The following NFATC2 variants were observed in gnomAD, a reference collection of about 807,000 sequenced individuals.
The protein encoded by NFATC2 is nuclear factor of activated T-cells, cytoplasmic 2.
NFATC2 carries 22 observed loss-of-function variants against 87.3 expected under a neutral mutation model. The observed-to-expected ratio is 0.25, with a 90% CI of 0.18 to 0.36. The LOEUF is 0.36. Among genes scored for constraint, NFATC2 ranks in the 10% least tolerant of loss-of-function variants. NFATC2 has a pLI of 1.00. For synonymous variants in NFATC2, 565 were observed against 542.2 expected (o/e 1.04, Z -0.58); for missense variants, 1,149 against 1,259.1 (o/e 0.91, Z 1.32).
At chr20:51,414,268 A>C (rs1227500565) in intron 9 of NFATC2, among the ~76,000 whole-genome samples, 2 of 152,194 alleles carry the variant, frequency 1.3e-5, no homozygotes, top group Non-Finnish European at 2.9e-5. Context: ...AAAAATAAAT[A>C]AATAAATAAA....
chr20:51,399,588 C>CAGTT (rs1452526718), intron 9 of NFATC2, among the ~76,000 whole-genome samples: 1 of 152,218 alleles, frequency 6.6e-6, no homozygotes, highest in African/African-American at 2.4e-5. Flanking sequence ...AGCGCTTATG[C>CAGTT]AGTTAGAGGC....
intron 6 of NFATC2, among the ~76,000 whole-genome samples, chr20:51,446,955 T>A (rs958933050): frequency 1.3e-5 from 2 of 152,174 alleles, no homozygotes; most frequent in Non-Finnish European, 2.9e-5. Context: ...ATACCAGGTC[T>A]ATTGTTTCAG....
At chr20:51,492,305 G>A (rs990502228) in intron 3 of NFATC2, among the ~76,000 whole-genome samples, 12 of 151,820 alleles carry the variant, frequency 7.9e-5, no homozygotes, top group Middle Eastern at 3.4e-3. Flanking sequence ...TTCTCAGGAC[G>A]ACCTGGGCAG....
chr20:51,446,332 T>C (rs957186815), intron 6 of NFATC2, among the ~76,000 whole-genome samples: 2 of 152,224 alleles, frequency 1.3e-5, no homozygotes, highest in African/African-American at 4.8e-5. Context: ...TGATGTTTTC[T>C]GAGCACCTAC....
At chr20:51,542,266 C>T in intron 1 of NFATC2, 104 bp downstream of exon 1, 2 of 1,422,996 alleles carry the variant, frequency 1.4e-6, no homozygotes, top group Non-Finnish European at 1.9e-6. Flanking sequence ...CTCCAGGCCC[C>T]TTAGGAAGGG....
chr20:51,441,231 C>T (rs1407184496), intron 6 of NFATC2, among the ~76,000 whole-genome samples: 1 of 151,752 alleles, frequency 6.6e-6, no homozygotes, highest in Admixed American at 6.6e-5. Flanking sequence ...TGCAGTGAGC[C>T]GAGATCGCAC....
At chr20:51,466,431 G>T (rs1294656966) in intron 5 of NFATC2, among the ~76,000 whole-genome samples, 1 of 152,128 alleles carries the variant, frequency 6.6e-6, no homozygotes, top group African/African-American at 2.4e-5. Flanking sequence ...ACCCAGGAGA[G>T]TAAAGTGAGG....
intron 9 of NFATC2, among the ~76,000 whole-genome samples, chr20:51,415,441 T>C (rs1000298249): frequency 6.6e-6 from 1 of 152,080 alleles, no homozygotes; most frequent in Admixed American, 6.6e-5. Context: ...CCCGGCTTCC[T>C]GAAGACAGAT....
At chr20:51,485,985 T>A (rs1989679280) in intron 3 of NFATC2, among the ~76,000 whole-genome samples, 1 of 151,616 alleles carries the variant, frequency 6.6e-6, no homozygotes, top group Non-Finnish European at 1.5e-5. Flanking sequence ...CCAAGGAGGG[T>A]GGATTCTTTG....
chr20:51,544,386 G>GC (rs1273593998), upstream of NFATC2, among the ~76,000 whole-genome samples: 10 of 152,162 alleles, frequency 6.6e-5, no homozygotes, highest in African/African-American at 2.4e-4. Context: ...GAGAACCACA[G>GC]CTTGACCTCA....
intron 3 of NFATC2, among the ~76,000 whole-genome samples, chr20:51,498,226 C>G (rs1051279752): frequency 1.3e-5 from 2 of 152,140 alleles, no homozygotes; most frequent in African/African-American, 4.8e-5. Context: ...GCCAGCACAT[C>G]CATCACCCAG....
At chr20:51,444,599 C>T (rs556329286) in intron 6 of NFATC2, among the ~76,000 whole-genome samples, 1 of 152,186 alleles carries the variant, frequency 6.6e-6, no homozygotes, top group East Asian at 1.9e-4. Context: ...CATCCTCACC[C>T]GGGCTGTGAG....
chr20:51,529,549 C>T (rs952792795), intron 1 of NFATC2, among the ~76,000 whole-genome samples: 5 of 152,190 alleles, frequency 3.3e-5, no homozygotes, highest in Non-Finnish European at 7.3e-5. Flanking sequence ...ACAACTGCCA[C>T]GCTCACAGGC....
chr20:51,410,082 C>T (rs546231882), intron 9 of NFATC2, among the ~76,000 whole-genome samples: 2 of 151,862 alleles, frequency 1.3e-5, no homozygotes, highest in African/African-American at 2.4e-5. Context: ...TGGTGGCGGG[C>T]GCCTGTAGTC....
At position 51,479,176 on chromosome 20, in the gene NFATC2, C is replaced by T. The variant is rs138167983; in HGVS notation, c.1333-3516G>A. Among the ~76,000 whole-genome samples the T allele has an allele frequency of 3.9e-5, 6 of 152,298 alleles. No homozygotes were observed. In the East Asian group the frequency reaches 1.2e-3, roughly 29 times the overall value. On this transcript the variant is annotated intron_variant, in intron 3 of 10. Transcript: ENST00000371564. ...TACTAGCACATCACTGGAATATTTA[C>T]TTCATTAACATCTGAAATTTCCTTG...
upstream of NFATC2, chr20:51,542,753 G>GC (rs1218044101): frequency 5.3e-6 from 3 of 567,110 alleles, no homozygotes; most frequent in African/African-American, 3.2e-5. Context: ...GGGAGGCGGG[G>GC]GGGGGGGGGG....
At chr20:51,454,448 G>T in intron 6 of NFATC2, 100 bp downstream of exon 6, 1 of 1,295,482 alleles carries the variant, frequency 7.7e-7, no homozygotes, top group Non-Finnish European at 1.1e-6. Flanking sequence ...AAAACTGCAC[G>T]GTGGGATCTA....
intron 9 of NFATC2, among the ~76,000 whole-genome samples, chr20:51,425,983 A>C (rs1482705411): frequency 1.3e-5 from 2 of 151,994 alleles, no homozygotes. Flanking sequence ...GCAGATACAC[A>C]TCCTGAGGTC....
chr20:51,542,666 G>T lies in NFATC2; in HGVS notation c.-167C>A. 1.7e-6 allele frequency: 2 copies of T among 1,161,162 alleles called. No individual in the cohort carries two copies. The highest frequency in any genetic ancestry group is 3.2e-5 in the African/African-American group (2 of 61,560). The allele number at this position is 1,161,162 out of a possible 1,614,324, so 71.9% of individuals were successfully genotyped here. On this transcript the variant is annotated 5_prime_UTR_variant, in exon 1 of 11. Coordinates refer to ENST00000371564, the MANE Select transcript of NFATC2 (RefSeq NM_012340.5). ...GGCGCGCCTGGCGCAGCGGGTCCTG[G>T]ACGCGCCCGGGGAAGCTGAGCGGCG...
Sources: gnomAD v4.1 joint callset for allele counts (sites outside exome capture counted in the v4.1 genomes callset) on GRCh38, gnomAD v4.1.1 for gene constraint, MANE v1.5 for transcripts, NCBI Gene and HGNC (gene_info 2026-07-23, HGNC 2026-07-21) for gene names.